The following FANCI variants were observed in gnomAD, a reference collection of about 807,000 sequenced individuals.
FANCI encodes FA complementation group I.
Under a neutral mutation model 176.1 loss-of-function variants are expected in FANCI, and 156 were observed. The ratio of observed to expected loss-of-function variants is 0.89; its 90% confidence interval spans 0.78 to 1.01. FANCI has a LOEUF of 1.01. FANCI is among the 50% of genes least tolerant of loss of function. The pLI, the probability that FANCI is intolerant of heterozygous loss-of-function variation, is 0.00. For missense variants in FANCI, 1,678 were observed against 1,534.1 expected, an observed-to-expected ratio of 1.09 and a Z score of -1.57; for synonymous variants, 613 against 541.7, an observed-to-expected ratio of 1.13 and a Z score of -1.83.
intron 32 of FANCI, among the ~76,000 whole-genome samples, chr15:89,306,780 CTT>C (rs372830865): frequency 1.3e-5 from 2 of 152,142 alleles, no homozygotes; most frequent in Non-Finnish European, 2.9e-5. Flanking sequence ...ATGAATGCCT[CTT>C]TTAAATACCT....
chr15:89,286,001 T>C (rs542531812), intron 18 of FANCI, among the ~76,000 whole-genome samples: 15 of 152,288 alleles, frequency 9.8e-5, no homozygotes, highest in Non-Finnish European at 2.1e-4. Context: ...TTTTTTTCTT[T>C]GGGACAGAGT....
At chr15:89,306,268 GCCCA>G in intron 32 of FANCI, 74 bp downstream of exon 32, 1 of 1,428,762 alleles carries the variant, frequency 7.0e-7, no homozygotes, top group Non-Finnish European at 9.8e-7. Context: ...TGGGGCAGCA[GCCCA>G]CTGCTGCAGA....
At chr15:89,274,368 A>G in intron 12 of FANCI, 64 bp downstream of exon 12, 15 of 1,576,608 alleles carry the variant, frequency 9.5e-6, no homozygotes, top group South Asian at 3.4e-5. Flanking sequence ...ATGCAATGTG[A>G]TATCATACTT....
chr15:89,283,200 T>G lies in FANCI; in HGVS notation c.1648T>G (p.Leu550Val). 1 of 1,614,194 alleles carries G rather than the reference T, an allele frequency of 6.2e-7. No homozygotes were observed. The highest frequency in any genetic ancestry group is 8.5e-7 in the Non-Finnish European group (1 of 1,180,022). The stretch of plus-strand genomic sequence containing the variant: ...GCTGCTCCTGAAGAACTTTAAAGTT[T>G]TAGGCAGCCTGTCATCCTCTCAGTG... ...FLLLLKNFKV[L>V]GSLSSSQCSQ... The change falls in exon 17 of 38, where the codon TTA becomes GTA. Residue 550 changes from leucine (L) to valine (V), a missense_variant. Coordinates refer to ENST00000310775, the MANE Select transcript of FANCI (RefSeq NM_001113378.2).
At chr15:89,283,769 T>G (rs998031573) in intron 17 of FANCI, among the ~76,000 whole-genome samples, 1 of 151,794 alleles carries the variant, frequency 6.6e-6, no homozygotes, top group Non-Finnish European at 1.5e-5. Context: ...CTTTTTTTTT[T>G]TTTGAGACGG....
intron 18 of FANCI, among the ~76,000 whole-genome samples, chr15:89,288,337 C>CA (rs201565614): frequency 1.7e-3 from 253 of 151,664 alleles, no homozygotes; most frequent in African/African-American, 5.6e-3. Context: ...CCTTCCCCCC[C>CA]AAAAAAAATC....
Position 89,307,658 on chromosome 15 carries a change from A to G in FANCI, c.3637A>G (p.Ile1213Val), listed in dbSNP as rs767466504. ...TCTGACCCCCCTGTGTTATTCTTTCATTTCTTACGTACAGGTAAGAGATTC... is the reference window on the plus strand; with the variant it reads ...TCTGACCCCCCTGTGTTATTCTTTCGTTTCTTACGTACAGGTAAGAGATTC... The part of the protein sequence containing the change: ...SHLTPLCYSF[I>V]SYVQNKSKSL... Residue 1213 changes from isoleucine (I) to valine (V), a missense_variant, in exon 34 of 38, where the codon ATT (isoleucine) becomes GTT (valine). Coordinates refer to ENST00000310775, the MANE Select transcript of FANCI (RefSeq NM_001113378.2). The G allele has an allele frequency of 5.6e-6, 9 of 1,614,070 alleles. No homozygotes were observed. The highest frequency in any genetic ancestry group is 7.6e-6 in the Non-Finnish European group (9 of 1,180,004).
chr15:89,314,848 C>T (rs865971270), intron 36 of FANCI, 141 bp downstream of exon 36: 95 of 469,326 alleles, frequency 2.0e-4, no homozygotes, highest in Middle Eastern at 1.2e-3. Flanking sequence ...CCCCCCCCCC[C>T]CTTTTTTTTT....
chr15:89,254,576 G>A (rs974649018), intron 2 of FANCI, among the ~76,000 whole-genome samples: 7 of 152,258 alleles, frequency 4.6e-5, no homozygotes, highest in South Asian at 2.1e-4. Context: ...GTTCGAGGAC[G>A]GAGGATCACT....
Position 89,303,866 on chromosome 15 carries a change from T to C in FANCI, c.3009T>C (p.Phe1003=). The change falls in exon 28 of 38, where the codon TTT becomes TTC. Residue 1003 remains phenylalanine, a splice_region_variant and synonymous_variant. Transcript: ENST00000310775. ...TATCTGAATGATCTCTAATTTAGTTTGTGCAGATGTTATCCTGGACATCAA... is the reference window on the plus strand; with the variant it reads ...TATCTGAATGATCTCTAATTTAGTTCGTGCAGATGTTATCCTGGACATCAA... ...SKLLEPSSPQ[F]VQMLSWTSKI... is the part of the protein sequence containing the mutation. 3 of 1,613,806 alleles carry C rather than the reference T, an allele frequency of 1.9e-6. No homozygotes were observed. Among genetic ancestry groups the C allele is most frequent in the African/African-American group, 1.3e-5 (1 of 75,060 alleles).
intron 6 of FANCI, among the ~76,000 whole-genome samples, chr15:89,262,270 G>A (rs2052744747): frequency 6.6e-6 from 1 of 151,108 alleles, no homozygotes; most frequent in Non-Finnish European, 1.5e-5. Flanking sequence ...TTTTGAGGGA[G>A]TAGAATATAC....
In FANCI at chr15:89,306,177, A is replaced by G. The variant is rs1276863881; in HGVS notation, c.3520A>G (p.Thr1174Ala). 6 of 1,614,128 alleles carry G rather than the reference A, an allele frequency of 3.7e-6. No individual in the cohort carries two copies. In the Admixed American group the frequency reaches 8.3e-5, roughly 22 times the overall value. ...KDLCKMYTTL[T>A]ALVRYYLQVC... is the part of the protein sequence containing the mutation. ...CTTGTGCAAAATGTACACCACACTT[A>G]CAGCCCTTGTCAGATATGTGAGTAT... The change falls in exon 32 of 38, where the codon ACA (threonine) becomes GCA (alanine). Residue 1174 changes from threonine to alanine, a missense_variant. Coordinates refer to ENST00000310775, the MANE Select transcript of FANCI (RefSeq NM_001113378.2).
Position 89,305,620 on chromosome 15 carries a change from C to T in FANCI, c.3271C>T (p.Gln1091Ter). 6.2e-7 allele frequency: 1 copy of T among 1,614,106 alleles called. No individual in the cohort carries two copies. Among genetic ancestry groups the T allele is most frequent in the Non-Finnish European group, 8.5e-7 (1 of 1,180,024 alleles). The change falls in exon 31 of 38, where the codon CAG (glutamine) becomes TAG (stop). Residue 1091 changes from glutamine (Q) to a stop codon, truncating the protein, a stop_gained. Transcript: ENST00000310775. LOFTEE classifies it high-confidence loss of function. The part of the protein sequence containing the change: ...APTVCLLVLS[Q>*]AEKVLEEVDW... ...TTTCTTTCAGTTACTTGTTCTGAGT[C>T]AGGCCGAGAAGGTTCTAGAAGAAGT...
chr15:89,283,035 T>C lies in FANCI; in HGVS notation c.1584-101T>C. 3 of 1,121,860 alleles carry C rather than the reference T, an allele frequency of 2.7e-6. 1 individual carries two copies. The South Asian group carries it at 3.8e-5, about 14-fold the overall frequency. 69.5% of individuals were successfully genotyped at this position (1,121,860 alleles called of 1,614,324 possible). On this transcript the variant is annotated intron_variant, in intron 16 of 37. Coordinates refer to ENST00000310775, the MANE Select transcript of FANCI (RefSeq NM_001113378.2). ...GTTTTGCTCTACGCTTCATTGTTTATACATATGCCTTCTCTGTATGCAACT... is the reference window on the plus strand; with the variant it reads ...GTTTTGCTCTACGCTTCATTGTTTACACATATGCCTTCTCTGTATGCAACT...
intron 9 of FANCI, among the ~76,000 whole-genome samples, chr15:89,266,066 A>G (rs907999252): frequency 1.4e-5 from 2 of 147,770 alleles, no homozygotes; most frequent in African/African-American, 2.5e-5. Context: ...GCACCATCAT[A>G]GCTCACTACA....
In FANCI at chr15:89,307,455, C is replaced by G. The variant is rs368292946; in HGVS notation, c.3538-21C>G. The G allele has an allele frequency of 1.9e-5, 31 of 1,610,700 alleles. 1 individual carries two copies. In the African/African-American group the frequency reaches 2.4e-4, roughly 12 times the overall value. On this transcript the variant is annotated intron_variant, in intron 32 of 37. Transcript: ENST00000310775. The stretch of plus-strand genomic sequence containing the variant: ...AGTTTCATAGGACAGTCTACTAAAT[C>G]TAGGAATCTTTTTTTATTAGTATCT...
intron 23 of FANCI, 145 bp from the exon 24 acceptor site, chr15:89,294,770 T>G: frequency 1.4e-6 from 1 of 721,824 alleles, no homozygotes; most frequent in Non-Finnish European, 2.2e-6. Context: ...TAGCTTGGGC[T>G]GCCTAGAGAG....
intron 2 of FANCI, among the ~76,000 whole-genome samples, chr15:89,250,128 CAG>C (rs1347909988): frequency 6.6e-6 from 1 of 152,178 alleles, no homozygotes; most frequent in African/African-American, 2.4e-5. Flanking sequence ...TTGTGGAAGA[CAG>C]TGTGGCGATT....
intron 2 of FANCI, among the ~76,000 whole-genome samples, chr15:89,255,941 C>A (rs558171752): frequency 6.6e-6 from 1 of 152,168 alleles, no homozygotes; most frequent in East Asian, 1.9e-4. Context: ...AATTCTTCTC[C>A]CCTTTATCTC....
Sources: allele counts gnomAD v4.1 joint callset (sites outside exome capture counted in the v4.1 genomes callset), GRCh38; gene constraint gnomAD v4.1.1; transcripts MANE v1.5; gene names NCBI Gene and HGNC (gene_info 2026-07-23, HGNC 2026-07-21).